Variants in ARHGAP15 observed in about 807,000 individuals in gnomAD.
ARHGAP15 encodes rho GTPase-activating protein 15.
Under a neutral mutation model 63.7 loss-of-function variants are expected in ARHGAP15, and 51 were observed. The observed-to-expected ratio is 0.80, with a 90% CI of 0.64 to 1.01. The LOEUF (loss-of-function observed/expected upper bound fraction) is 1.01, where lower values mean the gene tolerates loss of function less well. Ranked by LOEUF, ARHGAP15 falls within the 50% of genes least tolerant of loss-of-function variation. The probability of loss-of-function intolerance (pLI) is 0.00; values close to 1 mark genes in which losing one functional copy is unlikely to be tolerated. For synonymous variants in ARHGAP15, 191 were observed against 193.8 expected (o/e 0.99, Z 0.12); for missense variants, 560 against 564.6 (o/e 0.99, Z 0.08).
chr2:143,565,292 G>A (rs1696178930), intron 11 of ARHGAP15, among the ~76,000 whole-genome samples: 1 of 151,974 alleles, frequency 6.6e-6, no homozygotes, highest in South Asian at 2.1e-4. Flanking sequence ...CAGGTGTTCA[G>A]CCTATGGGAC....
At chr2:143,412,300 T>C (rs182053141) in intron 6 of ARHGAP15, among the ~76,000 whole-genome samples, 80 of 152,258 alleles carry the variant, frequency 5.3e-4, no homozygotes, top group Admixed American at 1.1e-3. Flanking sequence ...TTAAATATAA[T>C]AGTACGAAGG....
intron 6 of ARHGAP15, among the ~76,000 whole-genome samples, chr2:143,386,604 ACAG>A (rs1392595771): frequency 2.6e-5 from 4 of 152,192 alleles, no homozygotes; most frequent in Admixed American, 6.5e-5. Flanking sequence ...TAAAGGGCCA[ACAG>A]CACACACATG....
chr2:143,703,599 T>A (rs1684191759), intron 13 of ARHGAP15, 75 bp downstream of exon 13: 1 of 1,209,648 alleles, frequency 8.3e-7, no homozygotes, highest in Non-Finnish European at 1.2e-6. Flanking sequence ...TTCACATCTC[T>A]AAGGCAAGAG....
chr2:143,437,118 G>T, intron 8 of ARHGAP15, 76 bp downstream of exon 8: 1 of 1,473,190 alleles, frequency 6.8e-7, no homozygotes, highest in Non-Finnish European at 9.1e-7. Flanking sequence ...GCATTGAAAT[G>T]AGATTTAAGC....
intron 11 of ARHGAP15, among the ~76,000 whole-genome samples, chr2:143,565,204 G>C (rs536339643): frequency 6.6e-6 from 1 of 152,260 alleles, no homozygotes; most frequent in Non-Finnish European, 1.5e-5. Context: ...CCATGGGGAA[G>C]GGGGCAGAGA....
At chr2:143,385,629 A>T (rs1337666686) in intron 6 of ARHGAP15, among the ~76,000 whole-genome samples, 2 of 152,084 alleles carry the variant, frequency 1.3e-5, no homozygotes, top group African/African-American at 4.8e-5. Flanking sequence ...TTCCCAAATC[A>T]TGGGACACTC....
intron 13 of ARHGAP15, 97 bp downstream of exon 13, chr2:143,703,621 G>T (rs1045466895): frequency 1.2e-6 from 1 of 862,500 alleles, no homozygotes. Flanking sequence ...TTCCAAATGC[G>T]TACATCTCGT....
At chr2:143,247,814 C>A (rs1025513455) in intron 5 of ARHGAP15, among the ~76,000 whole-genome samples, 3 of 152,094 alleles carry the variant, frequency 2.0e-5, no homozygotes, top group Non-Finnish European at 4.4e-5. Context: ...TGAACTGTTT[C>A]TCACTTTTCC....
chr2:143,602,885 G>A (rs1180392101), intron 11 of ARHGAP15, among the ~76,000 whole-genome samples: 3 of 152,076 alleles, frequency 2.0e-5, no homozygotes, highest in Non-Finnish European at 4.4e-5. Flanking sequence ...ACACAGACGG[G>A]GTGTGTGTCT....
At chr2:143,529,727 G>A (rs1323601469) in intron 10 of ARHGAP15, among the ~76,000 whole-genome samples, 1 of 151,828 alleles carries the variant, frequency 6.6e-6, no homozygotes, top group Non-Finnish European at 1.5e-5. Flanking sequence ...TCATCTTCTT[G>A]TGAATATCAC....
At chr2:143,624,066 T>C (rs1698744304) in intron 11 of ARHGAP15, 67 bp from the exon 12 acceptor site, 2 of 1,567,390 alleles carry the variant, frequency 1.3e-6, no homozygotes, top group Non-Finnish European at 1.7e-6. Flanking sequence ...AACATTAACA[T>C]AATAATTAGT....
chr2:143,366,134 CAGAT>C (rs1190796455), intron 6 of ARHGAP15, among the ~76,000 whole-genome samples: 6 of 152,258 alleles, frequency 3.9e-5, no homozygotes, highest in South Asian at 4.1e-4. Flanking sequence ...TATGGTAGCA[CAGAT>C]AGATAGTCTC....
At chr2:143,261,498 C>T (rs1680720857) in intron 6 of ARHGAP15, among the ~76,000 whole-genome samples, 1 of 143,596 alleles carries the variant, frequency 7.0e-6, no homozygotes, top group African/African-American at 2.6e-5. Context: ...ACCACCACAC[C>T]CGGCTAATTT....
At chr2:143,623,915 G>GT (rs1317620575) in intron 11 of ARHGAP15, among the ~76,000 whole-genome samples, 1 of 152,038 alleles carries the variant, frequency 6.6e-6, no homozygotes, top group African/African-American at 2.4e-5. Flanking sequence ...TGTGTCTCTT[G>GT]TTTTTTTGTT....
chr2:143,693,492 GA>G (rs1256625413), intron 12 of ARHGAP15, among the ~76,000 whole-genome samples: 8 of 152,110 alleles, frequency 5.3e-5, no homozygotes, highest in Non-Finnish European at 1.2e-4. Flanking sequence ...TGAGAAAGAA[GA>G]AAATATATAA....
intron 11 of ARHGAP15, among the ~76,000 whole-genome samples, chr2:143,604,801 T>G (rs922200215): frequency 4.6e-5 from 7 of 152,218 alleles, no homozygotes; most frequent in Non-Finnish European, 8.8e-5. Context: ...CGCTTTCTCC[T>G]AAATGCTCTG....
At chr2:143,379,424 A>G (rs965346134) in intron 6 of ARHGAP15, among the ~76,000 whole-genome samples, 4 of 151,100 alleles carry the variant, frequency 2.6e-5, no homozygotes. Context: ...AATGACCCAC[A>G]CTGACCATTC....
chr2:143,463,497 G>T (rs1348320817), intron 8 of ARHGAP15, among the ~76,000 whole-genome samples: 5 of 128,132 alleles, frequency 3.9e-5, no homozygotes, highest in Non-Finnish European at 7.8e-5. Context: ...CTGGGATCAT[G>T]CCATTGCATT....
intron 6 of ARHGAP15, among the ~76,000 whole-genome samples, chr2:143,366,179 AT>A (rs930195498): frequency 6.6e-6 from 1 of 152,068 alleles, no homozygotes; most frequent in Non-Finnish European, 1.5e-5. Context: ...TCCAATTTTA[AT>A]TTTGTATCCT....
Sources: allele counts gnomAD v4.1 joint callset (sites outside exome capture counted in the v4.1 genomes callset), GRCh38; gene constraint gnomAD v4.1.1; transcripts MANE v1.5; gene names NCBI Gene and HGNC (gene_info 2026-07-23, HGNC 2026-07-21).